The following TAFA4 variants were observed in gnomAD, a reference collection of about 807,000 sequenced individuals.
The protein encoded by TAFA4 is TAFA chemokine like family member 4, also known as chemokine-like protein TAFA-4.
A neutral mutation model predicts 21.1 loss-of-function variants in TAFA4; 20 were observed. The ratio of observed to expected loss-of-function variants is 0.95; its 90% CI spans 0.67 to 1.38. The LOEUF is 1.38. TAFA4 is among the 40% of genes most tolerant of loss of function. The pLI, the probability that TAFA4 is intolerant of heterozygous loss-of-function variation, is 0.00. For synonymous variants in TAFA4, 71 were observed against 67.4 expected (o/e 1.05, Z -0.26); for missense variants, 211 against 180.9 (o/e 1.17, Z -0.95).
intron 4 of TAFA4, among the ~76,000 whole-genome samples, chr3:68,739,696 A>G (rs1448735252): frequency 6.6e-6 from 1 of 152,234 alleles, no homozygotes; most frequent in Non-Finnish European, 1.5e-5. Flanking sequence ...TGAGCCACAG[A>G]AGAGAATGAA....
At chr3:68,843,978 CT>C (rs749314574) in intron 3 of TAFA4, among the ~76,000 whole-genome samples, 33 of 152,138 alleles carry the variant, frequency 2.2e-4, no homozygotes, top group Non-Finnish European at 4.6e-4. Context: ...CTGAAATTTT[CT>C]TTTTTTGTTG....
chr3:68,770,435 G>A (rs937366644), intron 3 of TAFA4, among the ~76,000 whole-genome samples: 5 of 152,140 alleles, frequency 3.3e-5, no homozygotes. Context: ...TGAGACTGAG[G>A]AGAAAATTTC....
At chr3:68,916,678 G>C (rs553228680) in intron 1 of TAFA4, among the ~76,000 whole-genome samples, 4 of 152,188 alleles carry the variant, frequency 2.6e-5, no homozygotes, top group Non-Finnish European at 5.9e-5. Context: ...GAACGGTCAA[G>C]GCAGGTACTT....
At chr3:68,831,915 T>A (rs1199972469) in intron 3 of TAFA4, among the ~76,000 whole-genome samples, 3 of 152,156 alleles carry the variant, frequency 2.0e-5, no homozygotes, top group Non-Finnish European at 4.4e-5. Context: ...CTTCTCACTT[T>A]ATTTCATTAA....
chr3:68,843,082 G>A (rs890966472), intron 3 of TAFA4, among the ~76,000 whole-genome samples: 3 of 152,164 alleles, frequency 2.0e-5, no homozygotes, highest in Non-Finnish European at 4.4e-5. Context: ...AAAGTCAATG[G>A]TGGTTTGTTG....
At chr3:68,821,689 C>G (rs1180910041) in intron 3 of TAFA4, among the ~76,000 whole-genome samples, 1 of 151,856 alleles carries the variant, frequency 6.6e-6, no homozygotes, top group Non-Finnish European at 1.5e-5. Flanking sequence ...CAAGGCACTA[C>G]CTTGGCAATA....
chr3:68,770,308 T>C lies in TAFA4; in HGVS notation c.131-17290A>G, dbSNP rs994749176. 3.3e-5 allele frequency among the ~76,000 whole-genome samples: 5 copies of C among 152,190 alleles called. No individual in the cohort carries two copies. In the South Asian group the frequency reaches 1.0e-3, roughly 32 times the overall value. On this transcript the variant is annotated intron_variant, in intron 3 of 5. Coordinates refer to ENST00000295569, the MANE Select transcript of TAFA4 (RefSeq NM_182522.5). The stretch of plus-strand genomic sequence containing the variant: ...GGGTTATGCATCTTACATGCTGTTA[T>C]AAGGGTAGAAAAGTTTGTGACAGCT...
intron 1 of TAFA4, among the ~76,000 whole-genome samples, chr3:68,892,158 G>C (rs2089736071): frequency 6.6e-6 from 1 of 152,106 alleles, no homozygotes. Flanking sequence ...AATTTAGAGA[G>C]TATTCATTGT....
intron 3 of TAFA4, among the ~76,000 whole-genome samples, chr3:68,827,976 T>A (rs906513128): frequency 6.6e-6 from 1 of 152,212 alleles, no homozygotes; most frequent in South Asian, 2.1e-4. Context: ...TCCTGAATGG[T>A]ATTTCCTAGG....
At chr3:68,819,145 A>G (rs1297629403) in intron 3 of TAFA4, among the ~76,000 whole-genome samples, 1 of 151,986 alleles carries the variant, frequency 6.6e-6, no homozygotes, top group Non-Finnish European at 1.5e-5. Flanking sequence ...GGTGACACAA[A>G]CCTGCAGTCC....
chr3:68,894,410 T>C (rs2089763959), intron 1 of TAFA4, among the ~76,000 whole-genome samples: 1 of 152,198 alleles, frequency 6.6e-6, no homozygotes, highest in Non-Finnish European at 1.5e-5. Flanking sequence ...TCCTCCTGCC[T>C]TGGGCTCCCA....
intron 3 of TAFA4, among the ~76,000 whole-genome samples, chr3:68,770,855 A>G (rs1702943673): frequency 6.6e-6 from 1 of 152,180 alleles, no homozygotes; most frequent in Non-Finnish European, 1.5e-5. Context: ...GAAGACAGGC[A>G]TTTCTGTTTT....
chr3:68,897,613 C>G (rs541033435), intron 1 of TAFA4, among the ~76,000 whole-genome samples: 1 of 150,200 alleles, frequency 6.7e-6, no homozygotes, highest in Non-Finnish European at 1.5e-5. Context: ...GCAACAAAAG[C>G]GAAACTCCAT....
intron 2 of TAFA4, among the ~76,000 whole-genome samples, chr3:68,882,343 A>T (rs377396763): frequency 2.0e-4 from 30 of 152,266 alleles, no homozygotes; most frequent in African/African-American, 7.2e-4. Context: ...AAAAGAAAGA[A>T]ATTGAATTGG....
intron 3 of TAFA4, among the ~76,000 whole-genome samples, chr3:68,758,489 C>T (rs1702701239): frequency 1.3e-5 from 2 of 152,192 alleles, no homozygotes; most frequent in Non-Finnish European, 2.9e-5. Flanking sequence ...TTGCCTGCTG[C>T]CACGTTAAGA....
chr3:68,901,067 T>G (rs2089840200), intron 1 of TAFA4, among the ~76,000 whole-genome samples: 1 of 152,188 alleles, frequency 6.6e-6, no homozygotes, highest in Non-Finnish European at 1.5e-5. Flanking sequence ...CAGAATTAGC[T>G]GTCAAGGGAG....
intron 1 of TAFA4, among the ~76,000 whole-genome samples, chr3:68,924,418 C>G (rs1391117589): frequency 6.6e-6 from 1 of 151,976 alleles, no homozygotes; most frequent in Non-Finnish European, 1.5e-5. Context: ...ATATAAGGTA[C>G]CTAGAGGAGT....
chr3:68,809,390 T>C (rs1157276121), intron 3 of TAFA4, among the ~76,000 whole-genome samples: 4 of 152,218 alleles, frequency 2.6e-5, no homozygotes, highest in Admixed American at 1.3e-4. Context: ...TATAACAGTA[T>C]GGGAATAGTT....
chr3:68,856,445 T>C (rs796604469), intron 3 of TAFA4, among the ~76,000 whole-genome samples: 12 of 152,264 alleles, frequency 7.9e-5, no homozygotes, highest in African/African-American at 2.9e-4. Flanking sequence ...AAAGATTATA[T>C]TCCCAAACGC....
Sources: allele counts gnomAD v4.1 joint callset (sites outside exome capture counted in the v4.1 genomes callset), GRCh38; gene constraint gnomAD v4.1.1; transcripts MANE v1.5; gene names NCBI Gene and HGNC (gene_info 2026-07-23, HGNC 2026-07-21).